Variants in AGBL4 observed in about 807,000 individuals in gnomAD.
AGBL4 encodes AGBL carboxypeptidase 4.
AGBL4 carries 58 observed loss-of-function variants against 66.4 expected under a neutral mutation model. The observed-to-expected ratio is 0.87, with a 90% confidence interval of 0.71 to 1.09. The LOEUF (loss-of-function observed/expected upper bound fraction) is 1.09. Ranked by LOEUF, AGBL4 falls within the 50% of genes least tolerant of loss-of-function variation. The pLI is 0.00. For missense variants in AGBL4, 579 were observed against 631.0 expected (o/e 0.92, Z 0.88); for synonymous variants, 234 against 222.9 (o/e 1.05, Z -0.44).
chr1:49,180,157 C>T (rs1242074365), intron 4 of AGBL4, among the ~76,000 whole-genome samples: 1 of 152,162 alleles, frequency 6.6e-6, no homozygotes, highest in Non-Finnish European at 1.5e-5. Context: ...CTCAGCCTCC[C>T]AAAGTGCTGG....
At chr1:49,562,710 G>A (rs1158981689) in intron 3 of AGBL4, among the ~76,000 whole-genome samples, 8 of 151,854 alleles carry the variant, frequency 5.3e-5, no homozygotes, top group South Asian at 2.1e-4. Context: ...TGGTTACTGT[G>A]GCCTTGTAGT....
chr1:49,779,647 G>A (rs1265362511), intron 2 of AGBL4, among the ~76,000 whole-genome samples: 2 of 152,126 alleles, frequency 1.3e-5, no homozygotes, highest in African/African-American at 4.8e-5. Context: ...GGCTGGCATG[G>A]GAGATCTGAG....
At chr1:48,528,781 T>C (rs2148245802), downstream of AGBL4, among the ~76,000 whole-genome samples, 1 of 152,268 alleles carries the variant, frequency 6.6e-6, no homozygotes. Flanking sequence ...GATTACTTCA[T>C]AAAGATGATC....
chr1:49,257,243 C>T (rs562675245), intron 3 of AGBL4, among the ~76,000 whole-genome samples: 1 of 152,308 alleles, frequency 6.6e-6, no homozygotes, highest in South Asian at 2.1e-4. Flanking sequence ...TTACTGCTGT[C>T]TTTTTGTTTG....
chr1:49,338,808 A>C (rs529163510), intron 3 of AGBL4, among the ~76,000 whole-genome samples: 1 of 152,290 alleles, frequency 6.6e-6, no homozygotes, highest in South Asian at 2.1e-4. Context: ...GTGGTGGAGG[A>C]AGCCTTTATT....
chr1:49,842,314 C>T, intron 2 of AGBL4: 3 of 511,548 alleles, frequency 5.9e-6, no homozygotes, highest in South Asian at 1.8e-5. Flanking sequence ...CAAAGCCAAA[C>T]ATCACCTCCC....
intron 3 of AGBL4, among the ~76,000 whole-genome samples, chr1:49,290,650 C>G (rs1341645739): frequency 6.6e-6 from 1 of 152,102 alleles, no homozygotes; most frequent in Non-Finnish European, 1.5e-5. Context: ...ATGTTTTCAG[C>G]AAATAAAGTT....
intron 7 of AGBL4, among the ~76,000 whole-genome samples, chr1:48,654,836 C>T (rs1187084902): frequency 1.3e-5 from 2 of 152,232 alleles, no homozygotes; most frequent in South Asian, 4.1e-4. Context: ...TACTTCTCGG[C>T]TAACGCGGCA....
At chr1:49,662,976 GA>G (rs1646299155) in intron 3 of AGBL4, among the ~76,000 whole-genome samples, 1 of 152,048 alleles carries the variant, frequency 6.6e-6, no homozygotes, top group Admixed American at 6.6e-5. Context: ...TACCACAAAT[GA>G]TGCTTCTTGG....
chr1:49,455,718 G>C (rs1029952913), intron 3 of AGBL4, among the ~76,000 whole-genome samples: 14 of 151,484 alleles, frequency 9.2e-5, no homozygotes, highest in African/African-American at 3.4e-4. Context: ...GGCCTAAAAG[G>C]CTTCATATTA....
chr1:48,942,710 T>C (rs766687977), intron 5 of AGBL4, among the ~76,000 whole-genome samples: 4 of 151,914 alleles, frequency 2.6e-5, no homozygotes, highest in Admixed American at 1.3e-4. Context: ...GGTAGGAGAG[T>C]AGTGAGAAAA....
At chr1:49,254,675 C>T (rs563386345) in intron 3 of AGBL4, among the ~76,000 whole-genome samples, 1 of 152,154 alleles carries the variant, frequency 6.6e-6, no homozygotes, top group Admixed American at 6.6e-5. Context: ...TTTTAAAATT[C>T]CTGTGGAACC....
chr1:49,620,582 C>A (rs1339289282), intron 3 of AGBL4, among the ~76,000 whole-genome samples: 1 of 152,028 alleles, frequency 6.6e-6, no homozygotes, highest in Non-Finnish European at 1.5e-5. Flanking sequence ...GACCTAGAAC[C>A]AAAAATACCA....
chr1:49,775,856 T>C (rs937707564), intron 2 of AGBL4, among the ~76,000 whole-genome samples: 1 of 152,018 alleles, frequency 6.6e-6, no homozygotes, highest in African/African-American at 2.4e-5. Flanking sequence ...AAGTAAAAGA[T>C]TTATTATTAT....
intron 3 of AGBL4, among the ~76,000 whole-genome samples, chr1:49,681,371 A>C (rs1646690077): frequency 6.6e-6 from 1 of 152,196 alleles, no homozygotes; most frequent in Non-Finnish European, 1.5e-5. Flanking sequence ...TTCTAGAAGA[A>C]AAGGGGAGGT....
intron 4 of AGBL4, among the ~76,000 whole-genome samples, chr1:49,077,362 T>C (rs1258379783): frequency 6.6e-6 from 1 of 152,204 alleles, no homozygotes; most frequent in African/African-American, 2.4e-5. Context: ...ACATCAAGAA[T>C]ATTCCATACA....
At chr1:48,915,451 T>C (rs1443639040) in intron 5 of AGBL4, among the ~76,000 whole-genome samples, 1 of 152,212 alleles carries the variant, frequency 6.6e-6, no homozygotes, top group Non-Finnish European at 1.5e-5. Context: ...CAGAAAAGTA[T>C]TTTCCTATTT....
intron 5 of AGBL4, among the ~76,000 whole-genome samples, chr1:49,000,104 G>C (rs758137029): frequency 3.3e-5 from 5 of 152,092 alleles, no homozygotes; most frequent in Non-Finnish European, 7.4e-5. Context: ...ATATTAGCTA[G>C]TTTTATCATC....
chr1:48,976,270 G>A (rs945452395), intron 5 of AGBL4, among the ~76,000 whole-genome samples: 2 of 152,108 alleles, frequency 1.3e-5, no homozygotes, highest in Admixed American at 6.6e-5. Flanking sequence ...AGACTTCCAA[G>A]TTCTGGCTTG....
Sources: allele counts gnomAD v4.1 joint callset (sites outside exome capture counted in the v4.1 genomes callset), GRCh38; gene constraint gnomAD v4.1.1; transcripts MANE v1.5; gene names NCBI Gene and HGNC (gene_info 2026-07-23, HGNC 2026-07-21).